The following ROBO1 variants were observed in gnomAD, a reference collection of about 807,000 sequenced individuals.
The protein encoded by ROBO1 is roundabout homolog 1.
Under a neutral mutation model 195.9 loss-of-function variants are expected in ROBO1, and 149 were observed. That is an observed-to-expected ratio of 0.76 (90% CI 0.67 to 0.87). The LOEUF is 0.87. Ranked by LOEUF, ROBO1 falls within the 40% of genes least tolerant of loss-of-function variation. The pLI, the probability that ROBO1 is intolerant of heterozygous loss-of-function variation, is 0.00. For missense variants in ROBO1, 1,933 were observed against 2,068.3 expected (o/e 0.93, Z 1.27); for synonymous variants, 816 against 733.2 (o/e 1.11, Z -1.82).
At chr3:79,244,838 G>GT (rs1445114401) in intron 2 of ROBO1, among the ~76,000 whole-genome samples, 2 of 151,796 alleles carry the variant, frequency 1.3e-5, no homozygotes, top group African/African-American at 2.4e-5. Context: ...ATTATTTTCT[G>GT]TTTTTTTCTT....
chr3:79,525,562 A>T (rs1161505812), intron 2 of ROBO1, among the ~76,000 whole-genome samples: 1 of 146,632 alleles, frequency 6.8e-6, no homozygotes, highest in Non-Finnish European at 1.5e-5. Context: ...ATATAAATAT[A>T]TATATATTTT....
At chr3:79,209,888 A>G (rs561454404) in intron 2 of ROBO1, among the ~76,000 whole-genome samples, 2 of 152,164 alleles carry the variant, frequency 1.3e-5, no homozygotes, top group Non-Finnish European at 2.9e-5. Context: ...ACTGCCATAC[A>G]CCAAAAGTGA....
chr3:78,819,980 G>T (rs576360626), intron 4 of ROBO1, among the ~76,000 whole-genome samples: 2 of 152,200 alleles, frequency 1.3e-5, no homozygotes, highest in South Asian at 2.1e-4. Flanking sequence ...AAAACTTTTT[G>T]ATTCAGTTTT....
rs2033337224 is a variant in ROBO1, at chr3:78,842,578, T to C, written c.500-95678A>G. On this transcript the variant is annotated intron_variant, in intron 4 of 30. Coordinates refer to ENST00000464233, the MANE Select transcript of ROBO1 (RefSeq NM_002941.4). The stretch of plus-strand genomic sequence containing the variant: ...TATTTATATATATGAGCCATTTATA[T>C]ATTTATATATGAGCCATATATATAT... Among the ~76,000 whole-genome samples the C allele has an allele frequency of 6.4e-5, 6 of 94,204 alleles. 2 individuals carry two copies. The South Asian group carries it at 2.3e-3, about 37-fold the overall frequency. The allele number at this position is 94,204 out of a possible 152,430, so 61.8% of individuals were successfully genotyped here. A position where few individuals can be genotyped will look rare whatever the true frequency, so the allele number is the denominator to read the frequency against.
intron 2 of ROBO1, among the ~76,000 whole-genome samples, chr3:79,212,772 A>C (rs1001670831): frequency 3.3e-5 from 5 of 151,914 alleles, no homozygotes; most frequent in Admixed American, 6.6e-5. Context: ...ATGACCTAAG[A>C]TCTCACCACT....
At chr3:79,555,339 G>A (rs1480283927) in intron 2 of ROBO1, among the ~76,000 whole-genome samples, 1 of 152,044 alleles carries the variant, frequency 6.6e-6, no homozygotes, top group Non-Finnish European at 1.5e-5. Context: ...AACCAGGAAA[G>A]TTACCGATTC....
In ROBO1 at chr3:79,125,527, A is replaced by G. The variant is rs2080199851; in HGVS notation, c.101T>C (p.Val34Ala). The change falls in exon 3 of 31, where the codon GTA becomes GCA. Residue 34 changes from valine to alanine, a missense_variant. This residue lies in a region of ROBO1 where 185 missense variants were observed against 159.5 expected (regional missense o/e 1.16). Coordinates refer to ENST00000464233, the MANE Select transcript of ROBO1 (RefSeq NM_002941.4). ...CGTCCCGTGGTCGTTCCCCCTCTCT[A>G]CATCTTCAGGGTCTGTCGGAAACAA... Reference protein sequence around the residue: ...LAQLIPDPEDVERGNDHGTPI... With the variant: ...LAQLIPDPEDAERGNDHGTPI... 6.2e-7 allele frequency: 1 copy of G among 1,613,528 alleles called. No individual in the cohort carries two copies.
intron 3 of ROBO1, among the ~76,000 whole-genome samples, chr3:79,009,094 C>T (rs2077710029): frequency 6.7e-6 from 1 of 148,952 alleles, no homozygotes; most frequent in Admixed American, 6.7e-5. Flanking sequence ...GTGCCCACCA[C>T]AACGCCCAGC....
intron 3 of ROBO1, among the ~76,000 whole-genome samples, chr3:79,114,108 C>T (rs1283483887): frequency 3.3e-5 from 5 of 152,138 alleles, no homozygotes; most frequent in African/African-American, 1.2e-4. Context: ...TAAGACTTGC[C>T]TTGCCTCCCT....
intron 2 of ROBO1, among the ~76,000 whole-genome samples, chr3:79,281,621 TAGTC>T (rs911009878): frequency 6.6e-6 from 1 of 152,194 alleles, no homozygotes; most frequent in Non-Finnish European, 1.5e-5. Context: ...TTTATTTATT[TAGTC>T]AGTAAATCAG....
rs1189522415 is a variant in ROBO1, at chr3:79,731,816, A to G, written c.-51+35936T>C. Reference sequence around the variant, plus strand: ...GTAATAAAATTCAACTTGAGAATATACAAATCATACCTGTTCAGCTGTTTG... The same window carrying G: ...GTAATAAAATTCAACTTGAGAATATGCAAATCATACCTGTTCAGCTGTTTG... On this transcript the variant is annotated intron_variant, in intron 1 of 30. Transcript: ENST00000464233. Among the ~76,000 whole-genome samples the G allele has an allele frequency of 2.0e-5, 3 of 152,210 alleles. No homozygotes were observed. In the East Asian group the frequency reaches 5.8e-4, roughly 29 times the overall value.
chr3:78,994,267 G>A (rs561131990), intron 3 of ROBO1, among the ~76,000 whole-genome samples: 119 of 152,188 alleles, frequency 7.8e-4, no homozygotes, highest in African/African-American at 2.7e-3. Flanking sequence ...TTCAACCAGC[G>A]AAAAGGAAAG....
intron 2 of ROBO1, among the ~76,000 whole-genome samples, chr3:79,180,013 T>A (rs143773761): frequency 6.6e-6 from 1 of 152,338 alleles, no homozygotes; most frequent in African/African-American, 2.4e-5. Flanking sequence ...TTTTAACTTG[T>A]CCCCTTTCTT....
At chr3:78,768,789 C>T (rs1331652089) in intron 4 of ROBO1, among the ~76,000 whole-genome samples, 1 of 150,370 alleles carries the variant, frequency 6.7e-6, no homozygotes, top group Non-Finnish European at 1.5e-5. Context: ...AGGTATATCT[C>T]CCAATGCTAT....
chr3:78,784,160 T>C (rs941929878), intron 4 of ROBO1, among the ~76,000 whole-genome samples: 3 of 152,148 alleles, frequency 2.0e-5, no homozygotes, highest in Non-Finnish European at 4.4e-5. Flanking sequence ...TAACTAGTCA[T>C]ATAACAATAA....
intron 3 of ROBO1, among the ~76,000 whole-genome samples, chr3:79,117,135 G>A (rs1293969247): frequency 2.0e-5 from 3 of 152,020 alleles, no homozygotes; most frequent in African/African-American, 4.8e-5. Context: ...GGGGGGCCAA[G>A]GTGGGCGGAT....
intron 2 of ROBO1, among the ~76,000 whole-genome samples, chr3:79,154,395 A>C (rs1450232078): frequency 6.6e-6 from 1 of 151,710 alleles, no homozygotes; most frequent in Non-Finnish European, 1.5e-5. Flanking sequence ...CTTCAGATTG[A>C]CCACAGTTAT....
chr3:79,647,672 A>T (rs971250943), intron 1 of ROBO1, among the ~76,000 whole-genome samples: 1 of 151,982 alleles, frequency 6.6e-6, no homozygotes, highest in Admixed American at 6.6e-5. Context: ...ATCCATCCCA[A>T]AATATCGCTG....
intron 2 of ROBO1, among the ~76,000 whole-genome samples, chr3:79,352,513 C>T (rs1017693723): frequency 2.0e-5 from 3 of 152,144 alleles, no homozygotes; most frequent in African/African-American, 7.2e-5. Context: ...TGCCTGCACT[C>T]AGTTATTCTA....
Sources: gnomAD v4.1 joint callset for allele counts (sites outside exome capture counted in the v4.1 genomes callset) on GRCh38, gnomAD v4.1.1 for gene constraint, gnomAD v4.1.1 regional missense constraint, MANE v1.5 for transcripts, NCBI Gene and HGNC (gene_info 2026-07-23, HGNC 2026-07-21) for gene names.